The following BRAF variants were observed in gnomAD, a reference collection of about 807,000 sequenced individuals.
BRAF encodes B-Raf proto-oncogene, serine/threonine kinase, also known as serine/threonine-protein kinase B-raf.
BRAF carries 16 observed loss-of-function variants against 104.6 expected under a neutral mutation model. That is an observed-to-expected ratio of 0.15 (90% CI 0.10 to 0.23). The LOEUF is 0.23. Among genes scored for constraint, BRAF ranks in the 10% least tolerant of loss-of-function variants. The probability of loss-of-function intolerance (pLI) is 1.00; values close to 1 mark genes in which losing one functional copy is unlikely to be tolerated. For synonymous variants in BRAF, 310 were observed against 341.6 expected (o/e 0.91, Z 1.02); for missense variants, 541 against 937.3 (o/e 0.58, Z 5.52).
intron 16 of BRAF, among the ~76,000 whole-genome samples, chr7:140,752,786 T>C (rs567415270): frequency 6.6e-6 from 1 of 152,318 alleles, no homozygotes; most frequent in South Asian, 2.1e-4. Context: ...ACAGCTTCTC[T>C]GTTAAAAGGA....
chr7:140,848,795 T>C (rs1049350549), intron 2 of BRAF, among the ~76,000 whole-genome samples: 2 of 152,204 alleles, frequency 1.3e-5, no homozygotes, highest in Non-Finnish European at 2.9e-5. Flanking sequence ...ATAAGAATTC[T>C]AGTCCTAGCT....
intron 7 of BRAF, among the ~76,000 whole-genome samples, chr7:140,795,486 G>C (rs977898879): frequency 9.2e-5 from 14 of 152,130 alleles, no homozygotes; most frequent in Admixed American, 9.2e-4. Context: ...TGGTTACTAA[G>C]ACACAGCTAG....
chr7:140,724,727 T>C lies in BRAF; in HGVS notation c.*1767A>G, dbSNP rs2130828049. The C allele has an allele frequency of 9.7e-7, 1 of 1,033,796 alleles. No homozygotes were observed. 64.0% of individuals were successfully genotyped at this position (1,033,796 alleles called of 1,614,324 possible). A position where few individuals can be genotyped will look rare whatever the true frequency, so the allele number is the denominator to read the frequency against. ...AAATTTTTAAATAACAATTTCTAATTCCTTGATTTATTCTGGGTCTTGTTT... is the reference window on the plus strand; with the variant it reads ...AAATTTTTAAATAACAATTTCTAATCCCTTGATTTATTCTGGGTCTTGTTT... On this transcript the variant is annotated 3_prime_UTR_variant, in exon 20 of 20. Transcript: ENST00000644969.
At chr7:140,841,242 G>A (rs1807932886) in intron 2 of BRAF, among the ~76,000 whole-genome samples, 1 of 152,054 alleles carries the variant, frequency 6.6e-6, no homozygotes, top group Admixed American at 6.6e-5. Flanking sequence ...ATAATAACAA[G>A]GGTTGATGAG....
At chr7:140,860,482 GAA>G (rs914335146) in intron 1 of BRAF, among the ~76,000 whole-genome samples, 4 of 99,362 alleles carry the variant, frequency 4.0e-5, no homozygotes, top group African/African-American at 2.0e-4. Context: ...AAAAAAAAAA[GAA>G]AAAAAAGAAA....
intron 1 of BRAF, among the ~76,000 whole-genome samples, chr7:140,874,879 T>C (rs1307578952): frequency 1.3e-5 from 2 of 152,304 alleles, no homozygotes; most frequent in Non-Finnish European, 1.5e-5. Context: ...GCTGTCATTG[T>C]GATAGTGAGT....
At chr7:140,713,990 C>CG in the BRAF span, among the ~76,000 whole-genome samples, 3 of 152,118 alleles carry the variant, frequency 2.0e-5, no homozygotes, top group African/African-American at 7.2e-5. Context: ...GAGGAGTACC[C>CG]GGCCGTGTGA....
At chr7:140,808,774 CT>C in intron 4 of BRAF, 117 bp downstream of exon 4, 1 of 815,990 alleles carries the variant, frequency 1.2e-6, no homozygotes, top group Non-Finnish European at 2.0e-6. Flanking sequence ...TATTTTAATA[CT>C]TTTTCCTAAA....
intron 1 of BRAF, among the ~76,000 whole-genome samples, chr7:140,890,054 A>G (rs1480394199): frequency 6.6e-6 from 1 of 152,234 alleles, no homozygotes; most frequent in African/African-American, 2.4e-5. Flanking sequence ...ACAGACTTTA[A>G]GAATTCCAGC....
chr7:140,763,473 C>T (rs570404962), intron 14 of BRAF, among the ~76,000 whole-genome samples: 4 of 150,720 alleles, frequency 2.7e-5, no homozygotes, highest in Non-Finnish European at 5.9e-5. Flanking sequence ...CTGACCCCCC[C>T]ACCTCCTTCC....
chr7:140,723,804 G>A lies in BRAF; in HGVS notation c.*2690C>T. The stretch of plus-strand genomic sequence containing the variant: ...ATGATCAGTGACGCAGCCACATACT[G>A]TCTATACAATTACTCATAAAGTGCT... On this transcript the variant is annotated 3_prime_UTR_variant, in exon 20 of 20. Coordinates refer to ENST00000644969, the MANE Select transcript of BRAF (RefSeq NM_001374258.1). 1 of 1,047,442 alleles carries A rather than the reference G, an allele frequency of 9.5e-7. No individual in the cohort carries two copies. Among genetic ancestry groups the A allele is most frequent in the African/African-American group, 1.7e-5 (1 of 60,182 alleles). The allele number at this position is 1,047,442 out of a possible 1,614,324, so 64.9% of individuals were successfully genotyped here. A position where few individuals can be genotyped will look rare whatever the true frequency, so the allele number is the denominator to read the frequency against.
At position 140,724,985 on chromosome 7, in the gene BRAF, CA is replaced by C. The variant is rs1193894662; in HGVS notation, c.*1508del. The C allele has an allele frequency of 1.6e-5, 17 of 1,044,882 alleles. No homozygotes were observed. In the African/African-American group the frequency reaches 2.7e-4, roughly 16 times the overall value. The allele number at this position is 1,044,882 out of a possible 1,614,324, so 64.7% of individuals were successfully genotyped here. On this transcript the variant is annotated 3_prime_UTR_variant, in exon 20 of 20. Transcript: ENST00000644969. ...TAAGATTTAGGTTCTTAATGAATGC[CA>C]GTTCTTTCTATAAAAACAACTGATG...
At chr7:140,812,657 A>AT (rs1438134092) in intron 3 of BRAF, among the ~76,000 whole-genome samples, 4 of 152,208 alleles carry the variant, frequency 2.6e-5, no homozygotes, top group African/African-American at 9.6e-5. Flanking sequence ...TTTTTATACT[A>AT]TTTGTTCTTT....
intron 3 of BRAF, among the ~76,000 whole-genome samples, chr7:140,812,753 G>A (rs1804420260): frequency 6.6e-6 from 1 of 152,094 alleles, no homozygotes; most frequent in Admixed American, 6.5e-5. Flanking sequence ...AAGAAAGTGC[G>A]AATAAGATAA....
intron 7 of BRAF, 95 bp from the exon 8 acceptor site, chr7:140,794,562 A>G: frequency 2.1e-6 from 3 of 1,405,474 alleles, no homozygotes; most frequent in Non-Finnish European, 3.0e-6. Context: ...TCTTGTTTTT[A>G]TATTCTCAAA....
chr7:140,807,620 A>T (rs967748594), intron 5 of BRAF, among the ~76,000 whole-genome samples: 2 of 152,168 alleles, frequency 1.3e-5, no homozygotes, highest in African/African-American at 4.8e-5. Context: ...TTGTGTACAC[A>T]GAAAAAAGTT....
At position 140,724,583 on chromosome 7, in the gene BRAF, A is replaced by C; in HGVS notation, c.*1911T>G. 1 of 1,040,718 alleles carries C rather than the reference A, an allele frequency of 9.6e-7. No individual in the cohort carries two copies. The highest frequency in any genetic ancestry group is 1.2e-6 in the Non-Finnish European group (1 of 863,550). 64.5% of individuals were successfully genotyped at this position (1,040,718 alleles called of 1,614,324 possible). On this transcript the variant is annotated 3_prime_UTR_variant, in exon 20 of 20. Coordinates refer to ENST00000644969, the MANE Select transcript of BRAF (RefSeq NM_001374258.1). ...TTCCATTTTACTAGGACAACCTTTT[A>C]CAAGACAATGAAAATTTCAATAGGC...
At chr7:140,892,175 G>C (rs1451176708) in intron 1 of BRAF, among the ~76,000 whole-genome samples, 2 of 152,108 alleles carry the variant, frequency 1.3e-5, no homozygotes, top group East Asian at 1.9e-4. Flanking sequence ...AGAATTGCTT[G>C]AGCCCAGGAG....
intron 1 of BRAF, among the ~76,000 whole-genome samples, chr7:140,858,508 A>T (rs1007535179): frequency 6.6e-6 from 1 of 152,216 alleles, no homozygotes; most frequent in African/African-American, 2.4e-5. Flanking sequence ...TTCTTTAATA[A>T]ATCATTTCAT....
Sources: allele counts gnomAD v4.1 joint callset (sites outside exome capture counted in the v4.1 genomes callset), GRCh38; gene constraint gnomAD v4.1.1; transcripts MANE v1.5; gene names NCBI Gene and HGNC (gene_info 2026-07-23, HGNC 2026-07-21).